MYT1L: variants seen among roughly 807,000 people sequenced by gnomAD.
The protein encoded by MYT1L is myelin transcription factor 1-like protein.
Under a neutral mutation model 126.7 loss-of-function variants are expected in MYT1L, and 12 were observed. That is an observed-to-expected ratio of 0.09 (90% CI 0.06 to 0.15). MYT1L has a LOEUF of 0.15. MYT1L is among the 10% of genes least tolerant of loss of function. The probability of loss-of-function intolerance (pLI) is 1.00; values close to 1 mark genes in which losing one functional copy is unlikely to be tolerated. For synonymous variants in MYT1L, 541 were observed against 604.2 expected, an observed-to-expected ratio of 0.90 and a Z score of 1.53; for missense variants, 979 against 1,585.2, an observed-to-expected ratio of 0.62 and a Z score of 6.49.
chr2:2,095,055 A>T (rs1361036232), intron 3 of MYT1L, among the ~76,000 whole-genome samples: 1 of 152,232 alleles, frequency 6.6e-6, no homozygotes, highest in Admixed American at 6.5e-5. Flanking sequence ...TTTGCTATGT[A>T]ATCAAAAAAT....
intron 11 of MYT1L, among the ~76,000 whole-genome samples, chr2:1,915,011 C>CCGTGCAGAGCCCCGGCCT (rs982600455): frequency 1.3e-5 from 2 of 152,044 alleles, no homozygotes; most frequent in African/African-American, 2.4e-5. Context: ...GGAGTCCCCA[C>CCGTGCAGAGCCCCGGCCT]CGTGCAGAGC....
At chr2:2,175,527 C>T (rs375134073) in intron 2 of MYT1L, among the ~76,000 whole-genome samples, 14 of 152,092 alleles carry the variant, frequency 9.2e-5, no homozygotes, top group African/African-American at 3.1e-4. Context: ...CTTTCTCAGA[C>T]GTATAACACT....
chr2:2,270,019 T>A (rs1049950710), intron 2 of MYT1L, among the ~76,000 whole-genome samples: 1 of 152,160 alleles, frequency 6.6e-6, no homozygotes, highest in Non-Finnish European at 1.5e-5. Flanking sequence ...CCTGATGTGA[T>A]GGTGTCAGGA....
intron 8 of MYT1L, among the ~76,000 whole-genome samples, chr2:1,953,331 G>A (rs1055023439): frequency 9.2e-5 from 14 of 152,150 alleles, no homozygotes; most frequent in East Asian, 1.9e-4. Flanking sequence ...ATTCCACTGC[G>A]TGTCCACAGT....
At chr2:1,927,835 AT>A (rs2054435416) in intron 9 of MYT1L, among the ~76,000 whole-genome samples, 1 of 152,236 alleles carries the variant, frequency 6.6e-6, no homozygotes, top group African/African-American at 2.4e-5. Context: ...ATCAAAATAT[AT>A]TTTGACTTAT....
chr2:2,017,834 G>C (rs183020091), intron 4 of MYT1L, among the ~76,000 whole-genome samples: 180 of 152,302 alleles, frequency 1.2e-3, no homozygotes, highest in African/African-American at 4.2e-3. Flanking sequence ...TTCTGGGGCA[G>C]AGACTGCATT....
Position 1,889,609 on chromosome 2 carries a change from T to C in MYT1L, c.2284-132A>G, listed in dbSNP as rs538157585. ...ACAGAATCCCTCGCTGCTGTTTCCTTGGCCTAAACTCCCAAGGCGGACAGG... is the reference window on the plus strand; with the variant it reads ...ACAGAATCCCTCGCTGCTGTTTCCTCGGCCTAAACTCCCAAGGCGGACAGG... On this transcript the variant is annotated intron_variant, in intron 15 of 24. Coordinates refer to ENST00000647738, the MANE Select transcript of MYT1L (RefSeq NM_001303052.2). This position sits in a 1 kb window ranked among gnomAD's most constrained non-coding sequence, Gnocchi z 4.1. 42 of 668,090 alleles carry C rather than the reference T, an allele frequency of 6.3e-5. No homozygotes were observed. The highest frequency in any genetic ancestry group is 7.8e-5 in the Non-Finnish European group (33 of 424,086). The allele number at this position is 668,090 out of a possible 1,614,324, so 41.4% of individuals were successfully genotyped here.
chr2:2,263,882 T>C (rs2095055155), intron 2 of MYT1L, among the ~76,000 whole-genome samples: 1 of 152,228 alleles, frequency 6.6e-6, no homozygotes, highest in Admixed American at 6.5e-5. Context: ...GAGTTTTATA[T>C]CTGTTTCTCA....
chr2:1,979,035 G>C lies in MYT1L; in HGVS notation c.152+130C>G. The C allele has an allele frequency of 1.4e-6, 1 of 713,056 alleles. No homozygotes were observed. The highest frequency in any genetic ancestry group is 2.4e-6 in the Non-Finnish European group (1 of 416,322). The allele number at this position is 713,056 out of a possible 1,614,324, so 44.2% of individuals were successfully genotyped here. A position where few individuals can be genotyped will look rare whatever the true frequency, so the allele number is the denominator to read the frequency against. ...AGAGACAAAGACTGAGTTCCAGTGT[G>C]AGAAGAAAAAGAAGGCATAATGTGT... On this transcript the variant is annotated intron_variant, in intron 8 of 24. Transcript: ENST00000647738. The surrounding 1 kb of genome is among the most constrained non-coding windows in gnomAD (Gnocchi z 4.0).
Position 1,852,154 on chromosome 2 carries a change from A to G in MYT1L, c.2712-451T>C. 6.6e-6 allele frequency among the ~76,000 whole-genome samples: 1 copy of G among 152,156 alleles called. No homozygotes were observed. Among genetic ancestry groups the G allele is most frequent in the East Asian group, 1.9e-4 (1 of 5,186 alleles). On this transcript the variant is annotated intron_variant, in intron 18 of 24. Coordinates refer to ENST00000647738, the MANE Select transcript of MYT1L (RefSeq NM_001303052.2). This position sits in a 1 kb window ranked among gnomAD's most constrained non-coding sequence, Gnocchi z 4.0. ...GTCTGAACTCAGACCCCAGCACTGCAAAGGCACCCCTTCCACAGACTGGCC... is the reference window on the plus strand; with the variant it reads ...GTCTGAACTCAGACCCCAGCACTGCGAAGGCACCCCTTCCACAGACTGGCC...
chr2:2,177,490 T>C (rs1054757565), intron 2 of MYT1L, among the ~76,000 whole-genome samples: 1 of 152,148 alleles, frequency 6.6e-6, no homozygotes, highest in Non-Finnish European at 1.5e-5. Flanking sequence ...TACGACAACC[T>C]AGAACCTAGG....
Position 1,792,386 on chromosome 2 carries a change from G to A in MYT1L, c.3355C>T (p.His1119Tyr). The change falls in exon 24 of 25, where the codon CAC (histidine) becomes TAC (tyrosine). Residue 1119 changes from histidine (H) to tyrosine (Y), a missense_variant. His to Tyr is a moderately conservative substitution (Grantham distance 83). Around this residue, in one of 12 missense-constraint regions of MYT1L, gnomAD observed 179 missense variants for 398.6 expected, o/e 0.45. Coordinates refer to ENST00000647738, the MANE Select transcript of MYT1L (RefSeq NM_001303052.2). ...GACTGGCTCAGGTTCGCCAGCTCGT[G>A]GAGGAGAGACTCGTTCTGCTGCTCA... Reference protein sequence around the residue: ...VIEQQNESLLHELANLSQSLI... With the variant: ...VIEQQNESLLYELANLSQSLI... The A allele has an allele frequency of 6.2e-7, 1 of 1,612,494 alleles. No homozygotes were observed. Among genetic ancestry groups the A allele is most frequent in the Non-Finnish European group, 8.5e-7 (1 of 1,179,336 alleles).
chr2:1,942,402 C>T (rs546970516), intron 9 of MYT1L, among the ~76,000 whole-genome samples: 31 of 152,290 alleles, frequency 2.0e-4, no homozygotes, highest in African/African-American at 7.5e-4. Flanking sequence ...TCAGAAACAG[C>T]TCTCACATAT....
Position 2,077,799 on chromosome 2 carries a change from C to T in MYT1L, c.-303-23676G>A, listed in dbSNP as rs184783445. On this transcript the variant is annotated intron_variant, in intron 3 of 24. Transcript: ENST00000647738. ...GAGAATTTATTGCTAGAAGACGTGTCGTTTTAGAAATACTAAAGGGAGCCC... is the reference window on the plus strand; with the variant it reads ...GAGAATTTATTGCTAGAAGACGTGTTGTTTTAGAAATACTAAAGGGAGCCC... Among the ~76,000 whole-genome samples, 22 of 152,174 alleles carry T rather than the reference C, an allele frequency of 1.4e-4. No homozygotes were observed. The East Asian group carries it at 4.1e-3, about 28-fold the overall frequency.
In MYT1L at chr2:2,113,067, C is replaced by A. The variant is rs533621187; in HGVS notation, c.-303-58944G>T. Among the ~76,000 whole-genome samples, 9 of 152,260 alleles carry A rather than the reference C, an allele frequency of 5.9e-5. No individual in the cohort carries two copies. In the South Asian group the frequency reaches 1.9e-3, roughly 32 times the overall value. ...GGAGGGTGCTGATGACCACGGGGGC[C>A]CTGCCAGCTTCACTGTCTCCTGGCT... On this transcript the variant is annotated intron_variant, in intron 3 of 24. Transcript: ENST00000647738.
chr2:1,930,339 C>T (rs571228290), intron 9 of MYT1L, among the ~76,000 whole-genome samples: 1 of 152,352 alleles, frequency 6.6e-6, no homozygotes, highest in Admixed American at 6.5e-5. Context: ...CTCAAGGCAC[C>T]CCTGTGGTCC....
At chr2:2,171,625 CGTT>C (rs150031496) in intron 3 of MYT1L, among the ~76,000 whole-genome samples, 18 of 151,880 alleles carry the variant, frequency 1.2e-4, no homozygotes, top group South Asian at 2.1e-4. Context: ...TTGTCGTCGT[CGTT>C]GTTGTTGTTG....
chr2:2,308,707 C>G (rs1459527911), intron 1 of MYT1L, among the ~76,000 whole-genome samples: 1 of 151,828 alleles, frequency 6.6e-6, no homozygotes, highest in Non-Finnish European at 1.5e-5. Flanking sequence ...TCTATCTATA[C>G]CTTACCTACA....
intron 8 of MYT1L, among the ~76,000 whole-genome samples, chr2:1,950,817 G>A (rs1167901457): frequency 6.6e-6 from 1 of 152,182 alleles, no homozygotes; most frequent in Non-Finnish European, 1.5e-5. Context: ...CTACACAGTT[G>A]ACTCAAGCCT....
Sources: gnomAD v4.1 joint callset for allele counts (sites outside exome capture counted in the v4.1 genomes callset) on GRCh38, gnomAD v4.1.1 for gene constraint, gnomAD v4.1.1 regional missense constraint, Gnocchi (gnomAD v3.1) non-coding constraint, MANE v1.5 for transcripts, NCBI Gene and HGNC (gene_info 2026-07-23, HGNC 2026-07-21) for gene names.